Variants in SORL1 observed in about 807,000 individuals in gnomAD.
SORL1 encodes the protein sortilin related receptor 1.
A neutral mutation model predicts 273.7 loss-of-function variants in SORL1; 127 were observed. That is an observed-to-expected ratio of 0.46 (90% CI 0.40 to 0.54). The LOEUF (loss-of-function observed/expected upper bound fraction) is 0.54, where lower values mean the gene tolerates loss of function less well. SORL1 is among the 20% of genes least tolerant of loss of function. SORL1 has a pLI of 0.00. For missense variants in SORL1, 2,494 were observed against 2,846.1 expected, an observed-to-expected ratio of 0.88 and a Z score of 2.81; for synonymous variants, 1,031 against 1,067.4, an observed-to-expected ratio of 0.97 and a Z score of 0.66.
rs765473526 is a variant in SORL1, at chr11:121,559,553, G to C, written c.2945G>C (p.Ser982Thr). ...TACTGGGATGACTGGTCACAGCTCA[G>C]CATATTCCGAGCTTCCAAATACAGT... ...EIYWDDWSQL[S>T]IFRASKYSGS... Residue 982 changes from serine to threonine, a missense_variant, in exon 21 of 48, where the codon AGC becomes ACC. By Grantham distance (58) the Ser-to-Thr change is moderately conservative. Transcript: ENST00000260197. 5 of 1,614,188 alleles carry C rather than the reference G, an allele frequency of 3.1e-6. No individual in the cohort carries two copies. The African/African-American group carries it at 4.0e-5, about 13-fold the overall frequency.
intron 3 of SORL1, among the ~76,000 whole-genome samples, chr11:121,479,058 C>T (rs111709680): frequency 8.1e-4 from 124 of 152,196 alleles, no homozygotes; most frequent in African/African-American, 2.7e-3. Context: ...CTCTGTCCCC[C>T]GGCCTCTGAA....
intron 38 of SORL1, chr11:121,610,318 A>C (rs906209727): frequency 3.2e-4 from 49 of 152,202 alleles, no homozygotes; most frequent in African/African-American, 1.1e-3. Flanking sequence ...CATGGCGCTC[A>C]TTGGTTGAAC....
At position 121,596,414 on chromosome 11, in the gene SORL1, C is replaced by A. The variant is rs959537109; in HGVS notation, c.4519+642C>A. Among the ~76,000 whole-genome samples the A allele has an allele frequency of 6.6e-6, 1 of 152,190 alleles. No homozygotes were observed. The highest frequency in any genetic ancestry group is 1.5e-5 in the Non-Finnish European group (1 of 68,036). ...GGAGGGAGACACTGGCTTCTGCAAG[C>A]GTTTATCCTCATGTGACCAGTCAGC... On this transcript the variant is annotated intron_variant, in intron 32 of 47. Coordinates refer to ENST00000260197, the MANE Select transcript of SORL1 (RefSeq NM_003105.6). This position sits in a 1 kb window ranked among gnomAD's most constrained non-coding sequence, Gnocchi z 4.3.
intron 1 of SORL1, among the ~76,000 whole-genome samples, chr11:121,464,510 C>T (rs1263279367): frequency 1.3e-5 from 2 of 152,094 alleles, no homozygotes; most frequent in Admixed American, 6.5e-5. Context: ...CATTGACTTC[C>T]TCCCCTCTAT....
chr11:121,595,692 A>G lies in SORL1; in HGVS notation c.4439A>G (p.Gln1480Arg). ...RCDRFEFECH[Q>R]PKTCIPNWKR... is the part of the protein sequence containing the mutation. ...GACCGATTTGAGTTCGAATGCCACC[A>G]ACCGAAGACGTGTATTCCCAACTGG... The change falls in exon 32 of 48, where the codon CAA becomes CGA. Residue 1480 changes from glutamine (Q) to arginine (R), a missense_variant. Coordinates refer to ENST00000260197, the MANE Select transcript of SORL1 (RefSeq NM_003105.6). This position sits in a 1 kb window ranked among gnomAD's most constrained non-coding sequence, Gnocchi z 5.1. The G allele has an allele frequency of 6.2e-7, 1 of 1,614,044 alleles. No homozygotes were observed. The highest frequency in any genetic ancestry group is 8.5e-7 in the Non-Finnish European group (1 of 1,179,992).
Position 121,551,058 on chromosome 11 carries a change from T to C in SORL1, c.2266+388T>C, listed in dbSNP as rs186126318. Among the ~76,000 whole-genome samples the C allele has an allele frequency of 2.3e-3, 356 of 152,368 alleles. 3 individuals carry two copies. Among genetic ancestry groups the C allele is most frequent in the African/African-American group, 8.1e-3 (338 of 41,586 alleles). On this transcript the variant is annotated intron_variant, in intron 16 of 47. Transcript: ENST00000260197. ...GAAGTAGCTAAGTAGTCTATGTTAA[T>C]TTTATAATAAAACTAACTGTAACTA... is the stretch of plus-strand genomic sequence containing the variant.
chr11:121,532,841 G>A (rs1227982710), intron 12 of SORL1, among the ~76,000 whole-genome samples: 1 of 151,852 alleles, frequency 6.6e-6, no homozygotes, highest in Non-Finnish European at 1.5e-5. Flanking sequence ...CTGCCACCAC[G>A]TCCGGCTAAT....
chr11:121,584,287 A>G (rs1863059916), intron 26 of SORL1, among the ~76,000 whole-genome samples: 1 of 152,234 alleles, frequency 6.6e-6, no homozygotes, highest in South Asian at 2.1e-4. Flanking sequence ...TGTTTCCCCA[A>G]GTCTCCTTGA....
At position 121,605,229 on chromosome 11, in the gene SORL1, G is replaced by A; in HGVS notation, c.4768G>A (p.Val1590Ile). The part of the protein sequence containing the change: ...KMPSASCVYN[V>I]YYRVVGESIW... ...GCCCTCTGCTTCTTGTGTATATAATGTCTACTACAGGTAGGTCCCATCTTT... is the reference window on the plus strand; with the variant it reads ...GCCCTCTGCTTCTTGTGTATATAATATCTACTACAGGTAGGTCCCATCTTT... The change falls in exon 34 of 48, where the codon GTC becomes ATC. Residue 1590 changes from valine to isoleucine, a missense_variant. Physicochemically the swap from Val to Ile is conservative, Grantham distance 29. This residue lies in a region of SORL1 where 1,609 missense variants were observed against 1,816.4 expected (regional missense o/e 0.89). Coordinates refer to ENST00000260197, the MANE Select transcript of SORL1 (RefSeq NM_003105.6). 6.2e-7 allele frequency: 1 copy of A among 1,611,138 alleles called. No homozygotes were observed. Among genetic ancestry groups the A allele is most frequent in the East Asian group, 2.2e-5 (1 of 44,876 alleles).
chr11:121,576,742 G>A (rs1862936509), intron 24 of SORL1: 1 of 1,455,916 alleles, frequency 6.9e-7, no homozygotes, highest in East Asian at 2.5e-5. Context: ...ATCCACCCGT[G>A]TCCCTGGAGC....
At chr11:121,453,317 A>G (rs141560332) in intron 1 of SORL1, among the ~76,000 whole-genome samples, 323 of 152,278 alleles carry the variant, frequency 2.1e-3, no homozygotes, top group Non-Finnish European at 3.4e-3. Context: ...TTATTATTCT[A>G]TAAGTGATTT....
intron 18 of SORL1, 143 bp from the exon 19 acceptor site, chr11:121,557,171 G>T: frequency 1.5e-6 from 1 of 685,064 alleles, no homozygotes; most frequent in Non-Finnish European, 2.7e-6. Context: ...GTTGGGGCAG[G>T]TTTCGCAGAT....
chr11:121,625,764 C>CTGTCTTA (rs1863787421), intron 46 of SORL1, among the ~76,000 whole-genome samples: 1 of 152,148 alleles, frequency 6.6e-6, no homozygotes, highest in Admixed American at 6.5e-5. Flanking sequence ...CCTGGGATCT[C>CTGTCTTA]TGTCTTATGT....
intron 14 of SORL1, among the ~76,000 whole-genome samples, chr11:121,548,628 G>A (rs1247885588): frequency 2.0e-5 from 3 of 152,162 alleles, no homozygotes; most frequent in African/African-American, 7.2e-5. Context: ...GTGCAGTGGT[G>A]CAATCTTGGC....
chr11:121,476,889 T>C (rs1861277559), intron 2 of SORL1, among the ~76,000 whole-genome samples: 1 of 151,584 alleles, frequency 6.6e-6, no homozygotes, highest in Non-Finnish European at 1.5e-5. Context: ...ACTCCTGGGC[T>C]TAAGTGATCT....
At chr11:121,510,209 C>G (rs1366235655) in intron 6 of SORL1, among the ~76,000 whole-genome samples, 1 of 150,922 alleles carries the variant, frequency 6.6e-6, no homozygotes, top group African/African-American at 2.5e-5. Context: ...TTAAGTAATA[C>G]AACAGCATTT....
intron 40 of SORL1, 100 bp from the exon 41 acceptor site, chr11:121,614,771 A>C: frequency 2.2e-6 from 2 of 913,496 alleles, no homozygotes; most frequent in Non-Finnish European, 3.5e-6. Flanking sequence ...ATTTAAGTCA[A>C]GAGATTACTA....
chr11:121,566,854 G>T, intron 21 of SORL1, 86 bp from the exon 22 acceptor site: 1 of 1,260,718 alleles, frequency 7.9e-7, no homozygotes. Context: ...GTAAGACGAG[G>T]AGGTTGCAGT....
At position 121,532,327 on chromosome 11, in the gene SORL1, C is replaced by T. The variant is rs901536282; in HGVS notation, c.1597-137C>T. The T allele has an allele frequency of 7.2e-5, 51 of 706,558 alleles. 2 individuals are homozygous for T. Among genetic ancestry groups the T allele is most frequent in the South Asian group, 5.0e-4 (27 of 53,486 alleles). 43.8% of individuals were successfully genotyped at this position (706,558 alleles called of 1,614,324 possible). On this transcript the variant is annotated intron_variant, in intron 11 of 47. Transcript: ENST00000260197. ...AATGGATGTCAATGTCTTCTGTAAA[C>T]GGAAAAATTGTTTTCAAGTGGTTGT...
Sources: gnomAD v4.1 joint callset for allele counts (sites outside exome capture counted in the v4.1 genomes callset) on GRCh38, gnomAD v4.1.1 for gene constraint, gnomAD v4.1.1 regional missense constraint, Gnocchi (gnomAD v3.1) non-coding constraint, MANE v1.5 for transcripts, NCBI Gene and HGNC (gene_info 2026-07-23, HGNC 2026-07-21) for gene names.